Variants in MFHAS1 observed in about 807,000 individuals in gnomAD.
The protein encoded by MFHAS1 is malignant fibrous histiocytoma-amplified sequence 1.
In MFHAS1, 50 loss-of-function variants were observed where a neutral mutation model predicts 70.4. That is an observed-to-expected ratio of 0.71 (90% CI 0.57 to 0.90). The LOEUF (loss-of-function observed/expected upper bound fraction) is 0.90. Ranked by LOEUF, MFHAS1 falls within the 40% of genes least tolerant of loss-of-function variation. MFHAS1 has a pLI of 0.00. For synonymous variants in MFHAS1, 952 were observed against 620.0 expected (o/e 1.54, Z -7.96); for missense variants, 1,795 against 1,347.6 (o/e 1.33, Z -5.20).
chr8:8,796,544 C>T (rs903888920), intron 2 of MFHAS1, among the ~76,000 whole-genome samples: 4 of 147,812 alleles, frequency 2.7e-5, no homozygotes, highest in African/African-American at 1.0e-4. Flanking sequence ...ATTAGCCGGG[C>T]GCGGTGGCGG....
At chr8:8,799,174 A>C (rs1004748358) in intron 1 of MFHAS1, among the ~76,000 whole-genome samples, 2 of 152,202 alleles carry the variant, frequency 1.3e-5, no homozygotes, top group African/African-American at 4.8e-5. Context: ...AGTACCGAAG[A>C]CTATACAGAC....
chr8:8,795,411 T>A (rs529139001), intron 2 of MFHAS1, among the ~76,000 whole-genome samples: 6 of 152,350 alleles, frequency 3.9e-5, no homozygotes, highest in African/African-American at 1.4e-4. Flanking sequence ...CAATTACTTT[T>A]AACAGTTATT....
intron 1 of MFHAS1, among the ~76,000 whole-genome samples, chr8:8,885,754 G>C (rs1288380473): frequency 1.3e-5 from 2 of 152,244 alleles, no homozygotes; most frequent in African/African-American, 2.4e-5. Flanking sequence ...CTGTCGCCCA[G>C]GCTGGAGCGC....
At chr8:8,786,097 C>G (rs773266334) in intron 2 of MFHAS1, 42 bp from the exon 3 acceptor site, 3 of 1,560,248 alleles carry the variant, frequency 1.9e-6, no homozygotes, top group Non-Finnish European at 2.7e-6. Flanking sequence ...ATGACAAAAA[C>G]GTACTGGACA....
intron 1 of MFHAS1, among the ~76,000 whole-genome samples, chr8:8,875,856 G>T (rs965558300): frequency 1.3e-5 from 2 of 152,170 alleles, no homozygotes; most frequent in Admixed American, 1.3e-4. Flanking sequence ...CAAAGTGCTG[G>T]CATTACAGGT....
intron 1 of MFHAS1, among the ~76,000 whole-genome samples, chr8:8,802,012 C>A (rs181403757): frequency 6.6e-6 from 1 of 152,198 alleles, no homozygotes; most frequent in Non-Finnish European, 1.5e-5. Flanking sequence ...ACCTTACCAT[C>A]ATGGTGTAAT....
At chr8:8,840,027 T>C (rs549822103) in intron 1 of MFHAS1, among the ~76,000 whole-genome samples, 21 of 152,352 alleles carry the variant, frequency 1.4e-4, no homozygotes, top group African/African-American at 5.1e-4. Flanking sequence ...TACGTATATA[T>C]ACACATATAT....
chr8:8,886,254 C>T (rs1809748155), intron 1 of MFHAS1, among the ~76,000 whole-genome samples: 1 of 151,882 alleles, frequency 6.6e-6, no homozygotes, highest in South Asian at 2.1e-4. Context: ...CAACCTCAAA[C>T]TCCCATGCTC....
At chr8:8,790,743 T>C (rs936674401) in intron 2 of MFHAS1, among the ~76,000 whole-genome samples, 2 of 152,218 alleles carry the variant, frequency 1.3e-5, no homozygotes, top group Non-Finnish European at 2.9e-5. Flanking sequence ...AAATATTTTA[T>C]CAAGTTCATG....
chr8:8,837,985 T>C (rs1434384181), intron 1 of MFHAS1, among the ~76,000 whole-genome samples: 2 of 152,168 alleles, frequency 1.3e-5, no homozygotes, highest in Non-Finnish European at 2.9e-5. Context: ...TACATGCATG[T>C]TCATAACAAT....
Position 8,890,180 on chromosome 8 carries a change from G to A in MFHAS1, c.2879C>T (p.Thr960Ile), listed in dbSNP as rs1230475713. ...GACATTCAGTTCCTCCACCAAGGGG[G>A]TTATGGCTTGCCATGCGGTCCATAT... is the stretch of plus-strand genomic sequence containing the variant. Reference protein sequence around the residue: ...PNIWTAWQAITPLVEELNVLL... With the variant: ...PNIWTAWQAIIPLVEELNVLL... Residue 960 changes from threonine to isoleucine, a missense_variant, in exon 1 of 3, where the codon ACC (threonine) becomes ATC (isoleucine). Coordinates refer to ENST00000276282, the MANE Select transcript of MFHAS1 (RefSeq NM_004225.3). 1.2e-6 allele frequency: 2 copies of A among 1,614,048 alleles called. No homozygotes were observed. Among genetic ancestry groups the A allele is most frequent in the Non-Finnish European group, 1.7e-6 (2 of 1,180,040 alleles).
At chr8:8,810,092 C>T (rs1047292590) in intron 1 of MFHAS1, among the ~76,000 whole-genome samples, 3 of 152,122 alleles carry the variant, frequency 2.0e-5, no homozygotes, top group Non-Finnish European at 4.4e-5. Flanking sequence ...CCAGGCCGGG[C>T]GCAGTGGCTC....
chr8:8,867,618 C>T (rs1808911043), intron 1 of MFHAS1, among the ~76,000 whole-genome samples: 1 of 150,560 alleles, frequency 6.6e-6, no homozygotes, highest in Admixed American at 6.6e-5. Context: ...AGTGCAGTGG[C>T]GCAATCTCGG....
At chr8:8,821,361 A>G (rs1806949480) in intron 1 of MFHAS1, among the ~76,000 whole-genome samples, 1 of 152,228 alleles carries the variant, frequency 6.6e-6, no homozygotes, top group Non-Finnish European at 1.5e-5. Flanking sequence ...CTTGGATTTC[A>G]TCACGCCGAA....
At chr8:8,861,266 A>C (rs1335747383) in intron 1 of MFHAS1, among the ~76,000 whole-genome samples, 1 of 152,266 alleles carries the variant, frequency 6.6e-6, no homozygotes. Context: ...ACCATTGCCA[A>C]GTCTTTCCAA....
intron 1 of MFHAS1, among the ~76,000 whole-genome samples, chr8:8,816,001 C>T (rs753637389): frequency 2.0e-5 from 3 of 152,168 alleles, no homozygotes; most frequent in South Asian, 4.1e-4. Flanking sequence ...TGGATATATA[C>T]GCCAACATCG....
chr8:8,790,581 C>T (rs781630458), intron 2 of MFHAS1: 38 of 160,552 alleles, frequency 2.4e-4, no homozygotes, highest in Non-Finnish European at 3.8e-4. Flanking sequence ...CAATGCAAAT[C>T]AATGTGAAAC....
chr8:8,798,054 G>A (rs977692094), intron 1 of MFHAS1, among the ~76,000 whole-genome samples: 1 of 152,178 alleles, frequency 6.6e-6, no homozygotes, highest in Non-Finnish European at 1.5e-5. Flanking sequence ...GCAGATGCAC[G>A]ACACAACACT....
At chr8:8,845,994 T>A (rs1808016770) in intron 1 of MFHAS1, among the ~76,000 whole-genome samples, 1 of 152,042 alleles carries the variant, frequency 6.6e-6, no homozygotes, top group Admixed American at 6.5e-5. Flanking sequence ...GGCTAACACC[T>A]GTATTCCCAG....
Sources: gnomAD v4.1 joint callset for allele counts (sites outside exome capture counted in the v4.1 genomes callset) on GRCh38, gnomAD v4.1.1 for gene constraint, MANE v1.5 for transcripts, NCBI Gene and HGNC (gene_info 2026-07-23, HGNC 2026-07-21) for gene names.